WDR4: variants seen among roughly 807,000 people sequenced by gnomAD.
WDR4 encodes the protein WDR4 tRNA N7-guanosine methyltransferase non-catalytic subunit.
A neutral mutation model predicts 48.6 loss-of-function variants in WDR4; 47 were observed. That is an observed-to-expected ratio of 0.97 (90% confidence interval 0.77 to 1.23). The LOEUF is 1.23. Ranked by LOEUF, WDR4 falls within the 50% of genes most tolerant of loss-of-function variation. The pLI is 0.00. For missense variants in WDR4, 606 were observed against 551.6 expected, an observed-to-expected ratio of 1.10 and a Z score of -0.99; for synonymous variants, 268 against 230.0, an observed-to-expected ratio of 1.17 and a Z score of -1.49.
upstream of WDR4, chr21:42,879,597 A>G (rs2058587610): frequency 1.4e-6 from 2 of 1,388,108 alleles, no homozygotes; most frequent in Admixed American, 1.9e-5. Flanking sequence ...GATGACGTAT[A>G]CCCCACGTAC....
At chr21:42,864,577 G>A (rs1017638550) in intron 3 of WDR4, among the ~76,000 whole-genome samples, 13 of 152,102 alleles carry the variant, frequency 8.5e-5, no homozygotes, top group African/African-American at 1.9e-4. Context: ...AGAGGCCTGC[G>A]CTCCCCCCAG....
At chr21:42,890,274 G>A in the WDR4 span, among the ~76,000 whole-genome samples, 2 of 152,018 alleles carry the variant, frequency 1.3e-5, no homozygotes, top group African/African-American at 2.4e-5. Flanking sequence ...GGTGGCTCAC[G>A]ACTGTAAATC....
chr21:42,871,831 T>C (rs192746757), intron 3 of WDR4, among the ~76,000 whole-genome samples: 11 of 152,330 alleles, frequency 7.2e-5, no homozygotes, highest in South Asian at 2.1e-4. Flanking sequence ...CAAAAACATA[T>C]TGTAAATCAC....
the WDR4 span, among the ~76,000 whole-genome samples, chr21:42,888,284 C>A: frequency 6.6e-6 from 1 of 152,166 alleles, no homozygotes; most frequent in East Asian, 1.9e-4. Context: ...ATCAGCCAGG[C>A]ACAGTGGCTC....
At chr21:42,871,533 T>C (rs891263816) in intron 3 of WDR4, among the ~76,000 whole-genome samples, 8 of 152,218 alleles carry the variant, frequency 5.3e-5, no homozygotes, top group African/African-American at 1.9e-4. Flanking sequence ...AATGACTTAC[T>C]CATGTGGCTA....
Position 42,864,055 on chromosome 21 carries a change from C to T in WDR4, c.297-459G>A, listed in dbSNP as rs28642272. On this transcript the variant is annotated intron_variant, in intron 3 of 10. Transcript: ENST00000398208. The stretch of plus-strand genomic sequence containing the variant: ...CCGGGAGGCGGAGCTTGCAGTGAGC[C>T]GAGATCCCGCCACCGCACTCCAGCC... 1.6e-3 allele frequency among the ~76,000 whole-genome samples: 128 copies of T among 77,720 alleles called. 32 individuals carry two copies. Among genetic ancestry groups the T allele is most frequent in the Non-Finnish European group, 2.6e-3 (113 of 42,846 alleles). 51.0% of individuals were successfully genotyped at this position (77,720 alleles called of 152,430 possible).
intron 6 of WDR4, 65 bp downstream of exon 6, chr21:42,859,597 G>GGGCCCCCCCCCC: frequency 1.4e-6 from 1 of 708,188 alleles, no homozygotes; most frequent in Non-Finnish European, 2.5e-6. Context: ...TCCAGGAGGC[G>GGGCCCCCCCCCC]CCCACCCCAC....
chr21:42,874,817 T>C (rs966858347), intron 2 of WDR4, among the ~76,000 whole-genome samples: 1 of 152,162 alleles, frequency 6.6e-6, no homozygotes, highest in South Asian at 2.1e-4. Flanking sequence ...TTAGCAATTT[T>C]AATTTTGCCC....
chr21:42,868,154 G>A (rs1424934022), intron 3 of WDR4, among the ~76,000 whole-genome samples: 4 of 151,904 alleles, frequency 2.6e-5, no homozygotes, highest in Admixed American at 6.6e-5. Flanking sequence ...ACGATGCCAG[G>A]AGCAGAGGCC....
the WDR4 span, among the ~76,000 whole-genome samples, chr21:42,892,840 G>A: frequency 6.6e-6 from 1 of 152,238 alleles, no homozygotes; most frequent in Admixed American, 6.5e-5. Flanking sequence ...CTGGGCGCGT[G>A]GTGTGGGCGC....
chr21:42,888,607 G>GT, the WDR4 span, among the ~76,000 whole-genome samples: 2 of 147,224 alleles, frequency 1.4e-5, no homozygotes, highest in Non-Finnish European at 3.0e-5. Context: ...GTTTCCTATT[G>GT]GTTTTTTTTT....
intron 6 of WDR4, among the ~76,000 whole-genome samples, chr21:42,858,747 TTTC>T (rs746886301): frequency 2.0e-5 from 3 of 152,116 alleles, no homozygotes; most frequent in Admixed American, 6.5e-5. Context: ...TGGCCACACT[TTTC>T]TTCTTCTCTC....
chr21:42,886,605 C>T, the WDR4 span, among the ~76,000 whole-genome samples: 2 of 152,202 alleles, frequency 1.3e-5, no homozygotes, highest in Non-Finnish European at 2.9e-5. Context: ...CAGCGTAAGG[C>T]CTGTGCCCCC....
intron 2 of WDR4, among the ~76,000 whole-genome samples, chr21:42,875,832 C>T (rs1417492260): frequency 2.0e-5 from 3 of 151,940 alleles, no homozygotes; most frequent in Non-Finnish European, 4.4e-5. Flanking sequence ...TTCCTACACC[C>T]GCCTTCAACC....
chr21:42,860,413 G>A (rs1473640974), intron 5 of WDR4, among the ~76,000 whole-genome samples: 1 of 152,246 alleles, frequency 6.6e-6, no homozygotes. Flanking sequence ...ACCCATCTTG[G>A]CTCGGGCACC....
chr21:42,846,578 T>C (rs988575835), downstream of WDR4, among the ~76,000 whole-genome samples: 2 of 152,178 alleles, frequency 1.3e-5, no homozygotes, highest in Non-Finnish European at 2.9e-5. Flanking sequence ...CTGGGCATAA[T>C]GGCTCGTGCC....
At chr21:42,877,849 C>T (rs1242102012) in intron 1 of WDR4, among the ~76,000 whole-genome samples, 1 of 151,912 alleles carries the variant, frequency 6.6e-6, no homozygotes, top group African/African-American at 2.4e-5. Flanking sequence ...TCGAGACCAG[C>T]CTGGCTAACA....
chr21:42,889,981 C>T, the WDR4 span, among the ~76,000 whole-genome samples: 4 of 152,020 alleles, frequency 2.6e-5, no homozygotes, highest in African/African-American at 9.7e-5. Context: ...CTTTAGGAGG[C>T]CGAGGTGGGA....
intron 10 of WDR4, among the ~76,000 whole-genome samples, chr21:42,851,431 G>A (rs76493185): frequency 1.5e-4 from 23 of 152,218 alleles, no homozygotes; most frequent in East Asian, 5.8e-4. Flanking sequence ...CCCAATCAGC[G>A]GAAACTCCTC....
Sources: gnomAD v4.1 joint callset for allele counts (sites outside exome capture counted in the v4.1 genomes callset) on GRCh38, gnomAD v4.1.1 for gene constraint, MANE v1.5 for transcripts, NCBI Gene and HGNC (gene_info 2026-07-23, HGNC 2026-07-21) for gene names.